The following RGS22 variants were observed in gnomAD, a reference collection of about 807,000 sequenced individuals.
RGS22 encodes the protein regulator of G-protein signaling 22.
RGS22 carries 148 observed loss-of-function variants against 172.9 expected under a neutral mutation model. That is an observed-to-expected ratio of 0.86 (90% CI 0.75 to 0.98). The LOEUF is 0.98. Ranked by LOEUF, RGS22 falls within the 50% of genes least tolerant of loss-of-function variation. The pLI, the probability that RGS22 is intolerant of heterozygous loss-of-function variation, is 0.00. For synonymous variants in RGS22, 458 were observed against 480.2 expected (o/e 0.95, Z 0.60); for missense variants, 1,347 against 1,440.8 (o/e 0.93, Z 1.05).
At chr8:100,064,451 A>C (rs1169760827) in intron 7 of RGS22, among the ~76,000 whole-genome samples, 1 of 152,122 alleles carries the variant, frequency 6.6e-6, no homozygotes, top group Non-Finnish European at 1.5e-5. Context: ...CAATAGAGCA[A>C]GACTCTGTCT....
chr8:100,060,648 A>G (rs2131768491), intron 9 of RGS22, among the ~76,000 whole-genome samples: 1 of 151,960 alleles, frequency 6.6e-6, no homozygotes, highest in South Asian at 2.1e-4. Context: ...ACTACAAAAC[A>G]TTGCTCAAAG....
chr8:100,066,596 C>A (rs1188703235), intron 6 of RGS22, among the ~76,000 whole-genome samples: 1 of 152,144 alleles, frequency 6.6e-6, no homozygotes, highest in African/African-American at 2.4e-5. Flanking sequence ...TGAAACCCTA[C>A]TTCCTGGATT....
chr8:100,105,429 T>C (rs200284914), intron 1 of RGS22, 27 bp from the exon 2 acceptor site: 89 of 1,584,400 alleles, frequency 5.6e-5, no homozygotes, highest in Non-Finnish European at 6.6e-5. Context: ...TATTACATTA[T>C]CTCCCTCAAA....
chr8:99,990,187 A>C (rs1032161171), intron 20 of RGS22, among the ~76,000 whole-genome samples: 1 of 152,196 alleles, frequency 6.6e-6, no homozygotes, highest in Non-Finnish European at 1.5e-5. Context: ...CAGGAGGATC[A>C]CTGGAGCCCA....
chr8:100,098,493 A>G (rs1163432567), intron 2 of RGS22, among the ~76,000 whole-genome samples: 2 of 152,242 alleles, frequency 1.3e-5, no homozygotes, highest in Non-Finnish European at 2.9e-5. Flanking sequence ...AAAAGCCCGC[A>G]TATCAGATCC....
chr8:100,019,794 A>C (rs1042262492), intron 14 of RGS22, among the ~76,000 whole-genome samples: 1 of 152,200 alleles, frequency 6.6e-6, no homozygotes, highest in Non-Finnish European at 1.5e-5. Flanking sequence ...AAGGCATTTT[A>C]ATATGTATCT....
chr8:100,008,253 G>A (rs1815953072), intron 15 of RGS22, 122 bp downstream of exon 15: 4 of 831,742 alleles, frequency 4.8e-6, no homozygotes, highest in South Asian at 1.6e-5. Context: ...AGCTAGGCTG[G>A]TCTTGAACTC....
intron 9 of RGS22, among the ~76,000 whole-genome samples, chr8:100,055,833 A>G (rs1452181693): frequency 6.6e-6 from 1 of 152,142 alleles, no homozygotes; most frequent in Non-Finnish European, 1.5e-5. Context: ...TCTTTGCTTT[A>G]TATATTACCC....
At chr8:100,025,494 C>T (rs781423849) in intron 14 of RGS22, among the ~76,000 whole-genome samples, 1 of 152,174 alleles carries the variant, frequency 6.6e-6, no homozygotes, top group Non-Finnish European at 1.5e-5. Context: ...GAAAACAGAG[C>T]TTGATTCTTA....
intron 2 of RGS22, among the ~76,000 whole-genome samples, chr8:100,101,685 C>T (rs937422392): frequency 2.0e-5 from 3 of 151,642 alleles, no homozygotes; most frequent in Non-Finnish European, 4.4e-5. Context: ...AAAATATATA[C>T]AAGGTATGTG....
rs183325973 is a variant in RGS22 at position 100,051,702 on chromosome 8, C to T, written c.1689+1100G>A. Among the ~76,000 whole-genome samples the T allele has an allele frequency of 5.8e-3, 57 of 9,774 alleles. 17 individuals are homozygous for T. Among genetic ancestry groups the T allele is most frequent in the African/African-American group, 0.032 (30 of 930 alleles). 6.4% of individuals were successfully genotyped at this position (9,774 alleles called of 152,430 possible). On this transcript the variant is annotated intron_variant, in intron 10 of 27. Coordinates refer to ENST00000360863, the MANE Select transcript of RGS22 (RefSeq NM_015668.5). ...TTATACATATATATATTTATATATA[C>T]GTATATATAAATATATATTTATATA...
chr8:100,032,271 A>G (rs1377036346), intron 14 of RGS22, among the ~76,000 whole-genome samples: 2 of 152,212 alleles, frequency 1.3e-5, no homozygotes, highest in African/African-American at 2.4e-5. Context: ...CAGGAGACCC[A>G]TCTCACGTGC....
intron 27 of RGS22, among the ~76,000 whole-genome samples, chr8:99,961,726 G>A (rs945050060): frequency 6.6e-6 from 1 of 152,122 alleles, no homozygotes; most frequent in Admixed American, 6.5e-5. Context: ...CTATGAGGCT[G>A]GCCTGAGGGG....
At chr8:99,988,688 A>C (rs1292314252) in intron 20 of RGS22, among the ~76,000 whole-genome samples, 3 of 152,346 alleles carry the variant, frequency 2.0e-5, no homozygotes, top group African/African-American at 4.8e-5. Flanking sequence ...TGCCTGGAGG[A>C]GTAAAACCTT....
intron 14 of RGS22, among the ~76,000 whole-genome samples, chr8:100,027,595 G>A (rs1261085420): frequency 1.3e-5 from 2 of 152,110 alleles, no homozygotes; most frequent in African/African-American, 4.8e-5. Context: ...TGATTCTCCT[G>A]TCTCAGCCTT....
intron 4 of RGS22, among the ~76,000 whole-genome samples, chr8:100,075,318 G>T (rs1351238424): frequency 2.0e-5 from 3 of 152,062 alleles, no homozygotes; most frequent in South Asian, 2.1e-4. Flanking sequence ...GGTGAGACCT[G>T]GTTGTTTAAA....
At chr8:100,087,102 T>C (rs1242955642) in intron 3 of RGS22, among the ~76,000 whole-genome samples, 40 of 152,144 alleles carry the variant, frequency 2.6e-4, no homozygotes, top group Admixed American at 2.6e-3. Flanking sequence ...TTTAACCATT[T>C]CTAAGCTTAT....
In RGS22 at chr8:100,093,479, C is replaced by T. The variant is rs1483572152; in HGVS notation, c.85G>A (p.Val29Ile). The T allele has an allele frequency of 6.3e-7, 1 of 1,594,042 alleles. No individual in the cohort carries two copies. Residue 29 changes from valine (V) to isoleucine (I), a missense_variant, in exon 3 of 28, where the codon GTA (valine) becomes ATA (isoleucine). Coordinates refer to ENST00000360863, the MANE Select transcript of RGS22 (RefSeq NM_015668.5). The part of the protein sequence containing the change: ...EDSLATDDFL[V>I]DYFNEFLSLP... ...CTTAGGAATTCATTAAAGTAGTCTA[C>T]AAGGAAATCATCTGTTGCCAGAGAA...
chr8:99,996,802 C>T lies in RGS22; in HGVS notation c.2950-272G>A, dbSNP rs58586997. ...AGTTTCACTTGAGCTCACATGGGAA[C>T]TGAAGCTGGAAAGACAATTACGACT... is the stretch of plus-strand genomic sequence containing the variant. On this transcript the variant is annotated intron_variant, in intron 19 of 27. Transcript: ENST00000360863. 9.5e-3 allele frequency among the ~76,000 whole-genome samples: 1,449 copies of T among 152,238 alleles called. 26 individuals carry two copies. The highest frequency in any genetic ancestry group is 0.033 in the African/African-American group (1,364 of 41,534).
Sources: gnomAD v4.1 joint callset for allele counts (sites outside exome capture counted in the v4.1 genomes callset) on GRCh38, gnomAD v4.1.1 for gene constraint, MANE v1.5 for transcripts, NCBI Gene and HGNC (gene_info 2026-07-23, HGNC 2026-07-21) for gene names.